AUTS2: variants seen among roughly 807,000 people sequenced by gnomAD.
The protein encoded by AUTS2 is autism susceptibility gene 2 protein.
A neutral mutation model predicts 112.4 loss-of-function variants in AUTS2; 17 were observed. The observed-to-expected ratio is 0.15, with a 90% CI of 0.10 to 0.23. The LOEUF (loss-of-function observed/expected upper bound fraction) is 0.23, where lower values mean the gene tolerates loss of function less well. Ranked by LOEUF, AUTS2 falls within the 10% of genes least tolerant of loss-of-function variation. AUTS2 has a pLI of 1.00. For synonymous variants in AUTS2, 751 were observed against 702.7 expected, an observed-to-expected ratio of 1.07 and a Z score of -1.09; for missense variants, 1,510 against 1,701.6, an observed-to-expected ratio of 0.89 and a Z score of 1.98.
intron 5 of AUTS2, among the ~76,000 whole-genome samples, chr7:70,557,826 C>G (rs553809777): frequency 1.3e-5 from 2 of 152,130 alleles, no homozygotes; most frequent in Non-Finnish European, 1.5e-5. Context: ...TGAGAGGCAA[C>G]GATAGGATGA....
At chr7:69,791,480 C>G (rs539014383) in intron 1 of AUTS2, among the ~76,000 whole-genome samples, 2 of 152,182 alleles carry the variant, frequency 1.3e-5, no homozygotes. Flanking sequence ...GATTTGGCCT[C>G]TTTGTGGAGT....
chr7:70,303,586 A>T (rs1446343300), intron 4 of AUTS2, among the ~76,000 whole-genome samples: 1 of 152,168 alleles, frequency 6.6e-6, no homozygotes, highest in Non-Finnish European at 1.5e-5. Flanking sequence ...CAGAGGAAAG[A>T]CAGAGACTCT....
intron 1 of AUTS2, among the ~76,000 whole-genome samples, chr7:69,836,504 T>G (rs756714237): frequency 2.6e-5 from 4 of 152,200 alleles, no homozygotes; most frequent in Non-Finnish European, 5.9e-5. Flanking sequence ...AAAGTTAATC[T>G]TTGGTAAATC....
At chr7:70,589,050 A>T (rs924152430) in intron 5 of AUTS2, among the ~76,000 whole-genome samples, 1 of 152,226 alleles carries the variant, frequency 6.6e-6, no homozygotes, top group South Asian at 2.1e-4. Flanking sequence ...TGGATACCCC[A>T]TGGTTTCCAA....
At chr7:69,691,420 C>T (rs1374447806) in intron 1 of AUTS2, among the ~76,000 whole-genome samples, 18 of 152,090 alleles carry the variant, frequency 1.2e-4, no homozygotes. Flanking sequence ...CCTCAGCACC[C>T]ACCCCCATCC....
chr7:69,736,281 A>T lies in AUTS2; in HGVS notation c.309+136319A>T, dbSNP rs147976027. On this transcript the variant is annotated intron_variant, in intron 1 of 18. Coordinates refer to ENST00000342771, the MANE Select transcript of AUTS2 (RefSeq NM_015570.4). ...GCAAAGAGGAATAAAGACGCTAAGG[A>T]TATTGTGGTAAACCAAAGTCATCTC... 1.7e-3 allele frequency among the ~76,000 whole-genome samples: 266 copies of T among 152,260 alleles called. 1 individual carries two copies. Among genetic ancestry groups the T allele is most frequent in the Non-Finnish European group, 2.1e-3 (143 of 68,016 alleles).
chr7:70,678,752 T>A lies in AUTS2; in HGVS notation c.691-19817T>A, dbSNP rs141701088. Among the ~76,000 whole-genome samples the A allele has an allele frequency of 2.3e-3, 352 of 152,260 alleles. 4 individuals carry two copies. The highest frequency in any genetic ancestry group is 7.8e-3 in the African/African-American group (325 of 41,542). On this transcript the variant is annotated intron_variant, in intron 5 of 18. Coordinates refer to ENST00000342771, the MANE Select transcript of AUTS2 (RefSeq NM_015570.4). The stretch of plus-strand genomic sequence containing the variant: ...AAGCAGGCCTTCCTTTTTCCCTTAG[T>A]CTAAATTTTATTGTGGGTTGACCAC...
At chr7:70,646,771 C>A (rs62456782) in intron 5 of AUTS2, among the ~76,000 whole-genome samples, 1 of 152,226 alleles carries the variant, frequency 6.6e-6, no homozygotes, top group African/African-American at 2.4e-5. Context: ...GCTCAAGGCC[C>A]GCTCTAGTGC....
intron 2 of AUTS2, among the ~76,000 whole-genome samples, chr7:69,947,985 G>A (rs182381920): frequency 2.6e-5 from 4 of 152,218 alleles, no homozygotes; most frequent in Admixed American, 2.0e-4. Flanking sequence ...TTTTAAATAT[G>A]CTTTAGAATT....
chr7:70,620,087 T>G (rs1804589658), intron 5 of AUTS2, among the ~76,000 whole-genome samples: 1 of 152,102 alleles, frequency 6.6e-6, no homozygotes, highest in Non-Finnish European at 1.5e-5. Flanking sequence ...ACCTCTCCCT[T>G]AACCTGGGAG....
intron 1 of AUTS2, among the ~76,000 whole-genome samples, chr7:69,738,178 G>A (rs776845207): frequency 2.6e-5 from 4 of 152,116 alleles, no homozygotes; most frequent in Non-Finnish European, 5.9e-5. Flanking sequence ...CATTTGGGGA[G>A]GTGGGCCATC....
intron 5 of AUTS2, among the ~76,000 whole-genome samples, chr7:70,514,388 C>G (rs577051695): frequency 1.3e-5 from 2 of 152,324 alleles, no homozygotes; most frequent in South Asian, 2.1e-4. Flanking sequence ...AAGCATGGCA[C>G]CAGCATATGC....
At chr7:70,025,579 G>A (rs1246154163) in intron 2 of AUTS2, among the ~76,000 whole-genome samples, 1 of 151,060 alleles carries the variant, frequency 6.6e-6, no homozygotes, top group Non-Finnish European at 1.5e-5. Flanking sequence ...AGCCTCTCAA[G>A]TAGCTGGGAT....
intron 4 of AUTS2, among the ~76,000 whole-genome samples, chr7:70,347,924 C>T (rs1033881408): frequency 2.6e-5 from 4 of 152,144 alleles, no homozygotes; most frequent in African/African-American, 7.2e-5. Context: ...TCCTCCTGCT[C>T]CTTTGGGTAG....
intron 1 of AUTS2, among the ~76,000 whole-genome samples, chr7:69,806,927 G>C (rs1790335025): frequency 6.6e-6 from 1 of 152,158 alleles, no homozygotes; most frequent in Non-Finnish European, 1.5e-5. Context: ...AGAGGTTGTT[G>C]CTCTTCCTTA....
intron 1 of AUTS2, among the ~76,000 whole-genome samples, chr7:69,872,443 A>C (rs1041081044): frequency 1.3e-5 from 2 of 152,166 alleles, no homozygotes; most frequent in African/African-American, 4.8e-5. Flanking sequence ...TTGTGTCTGA[A>C]TGTGAACCTG....
chr7:70,550,016 A>G (rs1251173167), intron 5 of AUTS2, among the ~76,000 whole-genome samples: 1 of 152,220 alleles, frequency 6.6e-6, no homozygotes, highest in Admixed American at 6.5e-5. Flanking sequence ...AGAAGAGACG[A>G]AGTAGGACTT....
At chr7:70,379,045 C>A (rs907742929) in intron 4 of AUTS2, among the ~76,000 whole-genome samples, 1 of 151,148 alleles carries the variant, frequency 6.6e-6, no homozygotes, top group African/African-American at 2.4e-5. Flanking sequence ...AATTTCATGG[C>A]TTTTTTTTTA....
intron 5 of AUTS2, among the ~76,000 whole-genome samples, chr7:70,574,283 A>C (rs933869535): frequency 6.6e-6 from 1 of 152,194 alleles, no homozygotes; most frequent in African/African-American, 2.4e-5. Flanking sequence ...GTCTTTTTTA[A>C]AAAAAGCATT....
Sources: allele counts gnomAD v4.1 joint callset (sites outside exome capture counted in the v4.1 genomes callset), GRCh38; gene constraint gnomAD v4.1.1; transcripts MANE v1.5; gene names NCBI Gene and HGNC (gene_info 2026-07-23, HGNC 2026-07-21).